PHLPP1: variants seen among roughly 807,000 people sequenced by gnomAD.
The protein encoded by PHLPP1 is PH domain leucine-rich repeat-containing protein phosphatase 1.
Under a neutral mutation model 117.2 loss-of-function variants are expected in PHLPP1, and 42 were observed. The observed-to-expected ratio is 0.36, with a 90% CI of 0.28 to 0.46. PHLPP1 has a LOEUF of 0.46. Among genes scored for constraint, PHLPP1 ranks in the 20% least tolerant of loss-of-function variants. The pLI is 1.00. For synonymous variants in PHLPP1, 1,042 were observed against 970.7 expected, an observed-to-expected ratio of 1.07 and a Z score of -1.37; for missense variants, 2,084 against 2,241.9, an observed-to-expected ratio of 0.93 and a Z score of 1.42.
chr18:62,937,622 G>T (rs188795315), intron 10 of PHLPP1, among the ~76,000 whole-genome samples: 1 of 152,176 alleles, frequency 6.6e-6, no homozygotes, highest in Admixed American at 6.6e-5. Flanking sequence ...TTACTATTGA[G>T]CCATTGCCAA....
intron 1 of PHLPP1, among the ~76,000 whole-genome samples, chr18:62,827,163 T>C (rs1365785631): frequency 6.6e-6 from 1 of 152,196 alleles, no homozygotes; most frequent in Non-Finnish European, 1.5e-5. Context: ...AGAAAGTATA[T>C]GAATATGTTT....
intron 4 of PHLPP1, among the ~76,000 whole-genome samples, chr18:62,861,721 G>A (rs545439174): frequency 2.0e-5 from 3 of 152,172 alleles, no homozygotes; most frequent in Non-Finnish European, 4.4e-5. Context: ...TCCAATAGTT[G>A]CTTATAAAGT....
intron 4 of PHLPP1, among the ~76,000 whole-genome samples, chr18:62,861,828 G>T (rs2144363074): frequency 6.6e-6 from 1 of 152,286 alleles, no homozygotes; most frequent in Non-Finnish European, 1.5e-5. Context: ...TTGACAAGTG[G>T]TCATTTCTTA....
chr18:62,803,378 TA>T lies in PHLPP1; in HGVS notation c.1577-26656del, dbSNP rs538376354. On this transcript the variant is annotated intron_variant, in intron 1 of 16. Coordinates refer to ENST00000262719, the MANE Select transcript of PHLPP1 (RefSeq NM_194449.4). ...CCCCGCTTTTCCCCCTCCTAGTTAT[TA>T]CCTACCCACTCCAAAATAACTGCTG... is the stretch of plus-strand genomic sequence containing the variant. Among the ~76,000 whole-genome samples, 316 of 152,224 alleles carry T rather than the reference TA, an allele frequency of 2.1e-3. 3 individuals are homozygous for T. The highest frequency in any genetic ancestry group is 7.3e-3 in the African/African-American group (302 of 41,542).
intron 1 of PHLPP1, among the ~76,000 whole-genome samples, chr18:62,764,371 G>A (rs559365260): frequency 6.6e-6 from 1 of 152,154 alleles, no homozygotes; most frequent in African/African-American, 2.4e-5. Flanking sequence ...TTTCTTGTTG[G>A]TTACCAAAAT....
At chr18:62,771,916 G>A (rs1188717422) in intron 1 of PHLPP1, among the ~76,000 whole-genome samples, 1 of 152,148 alleles carries the variant, frequency 6.6e-6, no homozygotes, top group Non-Finnish European at 1.5e-5. Context: ...CATCTTATTG[G>A]CACTCAAAAA....
chr18:62,791,647 G>A (rs1163497691), intron 1 of PHLPP1, among the ~76,000 whole-genome samples: 1 of 152,152 alleles, frequency 6.6e-6, no homozygotes, highest in Non-Finnish European at 1.5e-5. Flanking sequence ...TTTATTAGCT[G>A]AGCATCATGA....
At position 62,919,909 on chromosome 18, in the gene PHLPP1, G is replaced by A. The variant is rs1909409781; in HGVS notation, c.2805-50G>A. The A allele has an allele frequency of 3.7e-6, 5 of 1,337,860 alleles. No individual in the cohort carries two copies. The South Asian group carries it at 5.3e-5, about 14-fold the overall frequency. 82.9% of individuals were successfully genotyped at this position (1,337,860 alleles called of 1,614,324 possible). Reference sequence around the variant, plus strand: ...GTGATTTTTGGAGAGGTAATTTTAAGTATTCTTTACTCTTTTTCATTTTTT... The same window carrying A: ...GTGATTTTTGGAGAGGTAATTTTAAATATTCTTTACTCTTTTTCATTTTTT... On this transcript the variant is annotated intron_variant, in intron 9 of 16. Transcript: ENST00000262719.
rs1915865051 is a variant in PHLPP1, at chr18:62,870,155, C to G, written c.2066+9554C>G. The stretch of plus-strand genomic sequence containing the variant: ...TTGTGATCTGCCAGCCTCGGTCTCC[C>G]ACAATGCTGGAATTACAGGTGTGAG... On this transcript the variant is annotated intron_variant, in intron 4 of 16. Transcript: ENST00000262719. Among the ~76,000 whole-genome samples, 3 of 152,250 alleles carry G rather than the reference C, an allele frequency of 2.0e-5. No homozygotes were observed. The South Asian group carries it at 6.2e-4, about 32-fold the overall frequency.
rs1408164515 is a variant in PHLPP1 at position 62,726,586 on chromosome 18, T to C, written c.1576+9327T>C. On this transcript the variant is annotated intron_variant, in intron 1 of 16. Transcript: ENST00000262719. ...TCCTTTTCTGTTCTGTTCTGTTCTT[T>C]TTTTTTTTTTTTTTTTTTATGGAGT... Among the ~76,000 whole-genome samples, 98 of 143,714 alleles carry C rather than the reference T, an allele frequency of 6.8e-4. 1 individual carries two copies. Among genetic ancestry groups the C allele is most frequent in the African/African-American group, 2.0e-3 (77 of 39,326 alleles). The allele number at this position is 143,714 out of a possible 152,430, so 94.3% of individuals were successfully genotyped here. A position where few individuals can be genotyped will look rare whatever the true frequency, so the allele number is the denominator to read the frequency against.
At chr18:62,962,508 C>T (rs145486333) in intron 13 of PHLPP1, among the ~76,000 whole-genome samples, 60 of 152,246 alleles carry the variant, frequency 3.9e-4, no homozygotes, top group African/African-American at 1.3e-3. Context: ...AGGGTTTCTC[C>T]ATGTTGGTCA....
At chr18:62,837,119 G>GGACT (rs1480151338) in intron 2 of PHLPP1, among the ~76,000 whole-genome samples, 1 of 152,164 alleles carries the variant, frequency 6.6e-6, no homozygotes, top group African/African-American at 2.4e-5. Flanking sequence ...AGTAGCTATA[G>GGACT]GACTACAAGG....
chr18:62,733,659 TGGAA>T (rs1403408009), intron 1 of PHLPP1, among the ~76,000 whole-genome samples: 3 of 152,210 alleles, frequency 2.0e-5, no homozygotes, highest in Admixed American at 6.5e-5. Context: ...GGCATGTTTG[TGGAA>T]ACAAGCCAGC....
intron 8 of PHLPP1, among the ~76,000 whole-genome samples, chr18:62,911,440 C>T (rs1346254528): frequency 2.8e-4 from 1 of 3,526 alleles, no homozygotes; most frequent in African/African-American, 1.1e-3. Context: ...ACAATGAACT[C>T]AAACAAATTT....
At position 62,920,063 on chromosome 18, in the gene PHLPP1, A is replaced by C; in HGVS notation, c.2909A>C (p.Gln970Pro). 1 of 1,613,596 alleles carries C rather than the reference A, an allele frequency of 6.2e-7. No individual in the cohort carries two copies. The highest frequency in any genetic ancestry group is 8.5e-7 in the Non-Finnish European group (1 of 1,179,682). ...ACCTCGGTGGAGGTCTTGGATGTGC[A>C]ACACAACCAGCTCCTTGAGCTCCCA... ...ERTSVEVLDV[Q>P]HNQLLELPPN... The change falls in exon 10 of 17, where the codon CAA (glutamine) becomes CCA (proline). Residue 970 changes from glutamine to proline, a missense_variant. By Grantham distance (76) the Gln-to-Pro change is moderately conservative (BLOSUM62 -1). Coordinates refer to ENST00000262719, the MANE Select transcript of PHLPP1 (RefSeq NM_194449.4).
chr18:62,946,706 T>G (rs1300469387), intron 12 of PHLPP1, among the ~76,000 whole-genome samples: 1 of 152,226 alleles, frequency 6.6e-6, no homozygotes, highest in Non-Finnish European at 1.5e-5. Flanking sequence ...TACTTTGGGC[T>G]TTAAGAACAC....
chr18:62,846,917 T>G (rs1477225904), intron 3 of PHLPP1, among the ~76,000 whole-genome samples: 1 of 152,224 alleles, frequency 6.6e-6, no homozygotes, highest in East Asian at 1.9e-4. Flanking sequence ...CTTCTATTCC[T>G]TTTTTCTTTT....
At chr18:62,806,147 A>T (rs989208493) in intron 1 of PHLPP1, among the ~76,000 whole-genome samples, 1 of 152,148 alleles carries the variant, frequency 6.6e-6, no homozygotes, top group Non-Finnish European at 1.5e-5. Flanking sequence ...GAGAAGTGCT[A>T]TCTTTATTTG....
Position 62,766,076 on chromosome 18 carries a change from A to AAAAAAATATAT in PHLPP1, c.1576+48818_1576+48819insAAAAATATATA. Among the ~76,000 whole-genome samples the AAAAAAATATAT allele has an allele frequency of 4.8e-3, 103 of 21,646 alleles. 3 individuals are homozygous for AAAAAAATATAT. The highest frequency in any genetic ancestry group is 6.1e-3 in the Non-Finnish European group (72 of 11,796). 14.2% of individuals were successfully genotyped at this position (21,646 alleles called of 152,430 possible). On this transcript the variant is annotated intron_variant, in intron 1 of 16. Transcript: ENST00000262719. ...ACTCCATCTCAAAAAAAAAAAAAAA[A>AAAAAAATATAT]ATATATATATATATATATATATATA...
Sources: allele counts gnomAD v4.1 joint callset (sites outside exome capture counted in the v4.1 genomes callset), GRCh38; gene constraint gnomAD v4.1.1; transcripts MANE v1.5; gene names NCBI Gene and HGNC (gene_info 2026-07-23, HGNC 2026-07-21).